The following VDAC2 variants were observed in gnomAD, a reference collection of about 807,000 sequenced individuals.
VDAC2 encodes the protein voltage dependent anion channel 2.
Under a neutral mutation model 36.6 loss-of-function variants are expected in VDAC2, and 6 were observed. That is an observed-to-expected ratio of 0.16 (90% CI 0.09 to 0.32). The LOEUF (loss-of-function observed/expected upper bound fraction) is 0.32, where lower values mean the gene tolerates loss of function less well. VDAC2 is among the 10% of genes least tolerant of loss of function. The pLI, the probability that VDAC2 is intolerant of heterozygous loss-of-function variation, is 1.00. For missense variants in VDAC2, 247 were observed against 346.0 expected (o/e 0.71, Z 2.27); for synonymous variants, 109 against 123.8 (o/e 0.88, Z 0.79).
intron 4 of VDAC2, among the ~76,000 whole-genome samples, chr10:75,214,607 C>G (rs1420320074): frequency 6.6e-6 from 1 of 152,140 alleles, no homozygotes; most frequent in African/African-American, 2.4e-5. Flanking sequence ...TCACTGCAAC[C>G]TCCGCCTCCT....
chr10:75,210,974 C>G, intron 1 of VDAC2, 36 bp downstream of exon 1: 1 of 597,456 alleles, frequency 1.7e-6, no homozygotes, highest in Non-Finnish European at 2.7e-6. Context: ...ACCCAGGGGC[C>G]TAGGCCGCGG....
chr10:75,227,890 C>A (rs112713416), intron 8 of VDAC2, among the ~76,000 whole-genome samples: 11,201 of 146,770 alleles, frequency 0.076, 573 homozygotes, highest in African/African-American at 0.14. Context: ...GAATTTCTTT[C>A]TTTCTTTCTT....
At chr10:75,210,421 G>T (rs1268185668), upstream of VDAC2, among the ~76,000 whole-genome samples, 3 of 152,198 alleles carry the variant, frequency 2.0e-5, no homozygotes, top group Non-Finnish European at 4.4e-5. Flanking sequence ...CGCGTAAGGG[G>T]AGTAGGAGAG....
At chr10:75,213,029 T>C (rs1841477168) in intron 3 of VDAC2, among the ~76,000 whole-genome samples, 1 of 152,176 alleles carries the variant, frequency 6.6e-6, no homozygotes, top group East Asian at 1.9e-4. Flanking sequence ...CTGTTGGAAA[T>C]ACCCCATTGG....
At chr10:75,221,110 G>C in intron 7 of VDAC2, 140 bp downstream of exon 7, 1 of 920,380 alleles carries the variant, frequency 1.1e-6, no homozygotes. Context: ...CATTTCTAGG[G>C]TGCCCCTTGA....
intron 1 of VDAC2, 34 bp from the exon 2 acceptor site, chr10:75,211,100 C>T: frequency 2.5e-6 from 4 of 1,580,404 alleles, no homozygotes; most frequent in African/African-American, 2.7e-5. Context: ...GGCCCTTTGA[C>T]CCCAGCTTAC....
chr10:75,230,318 A>G (rs985176066), intron 9 of VDAC2, among the ~76,000 whole-genome samples: 2 of 152,228 alleles, frequency 1.3e-5, no homozygotes, highest in Non-Finnish European at 2.9e-5. Flanking sequence ...GCATTGACCA[A>G]TTATTAACAA....
Position 75,210,925 on chromosome 10 carries a change from C to G in VDAC2, c.-39C>G. 2.4e-6 allele frequency: 1 copy of G among 420,378 alleles called. No homozygotes were observed. Among genetic ancestry groups the G allele is most frequent in the East Asian group, 3.7e-5 (1 of 26,926 alleles). The allele number at this position is 420,378 out of a possible 1,614,324, so 26.0% of individuals were successfully genotyped here. A position where few individuals can be genotyped will look rare whatever the true frequency, so the allele number is the denominator to read the frequency against. ...GCGGAGCGGTGGCGGCGGCCCCCCT[C>G]AGGACACCACCAGGTACCGCCGCGC... is the stretch of plus-strand genomic sequence containing the variant. On this transcript the variant is annotated 5_prime_UTR_variant, in exon 1 of 10. Transcript: ENST00000332211.
intron 4 of VDAC2, among the ~76,000 whole-genome samples, chr10:75,216,070 G>C (rs1260697542): frequency 6.6e-6 from 1 of 152,176 alleles, no homozygotes; most frequent in Middle Eastern, 3.2e-3. Context: ...CTGTCGCTTG[G>C]TTTTTTTGGT....
intron 8 of VDAC2, chr10:75,229,303 C>G (rs1842042901): frequency 5.7e-6 from 1 of 175,480 alleles, no homozygotes; most frequent in African/African-American, 2.4e-5. Context: ...GTGAGCCTGA[C>G]TTGTACCACA....
At chr10:75,222,836 G>C (rs1841854609) in intron 8 of VDAC2, among the ~76,000 whole-genome samples, 1 of 151,974 alleles carries the variant, frequency 6.6e-6, no homozygotes, top group Admixed American at 6.6e-5. Context: ...CTAATTTTTT[G>C]ATGTTTTTTT....
chr10:75,229,632 A>G lies in VDAC2; in HGVS notation c.736-12A>G. On this transcript the variant is annotated splice_polypyrimidine_tract_variant and intron_variant, in intron 8 of 9. Transcript: ENST00000332211. ...ATATTTTTCTTACAGTTGTTTTTGTATTTTATTTTAGGCAAAAGTCAACAA... is the reference window on the plus strand; with the variant it reads ...ATATTTTTCTTACAGTTGTTTTTGTGTTTTATTTTAGGCAAAAGTCAACAA... 1.3e-6 allele frequency: 2 copies of G among 1,595,172 alleles called. No homozygotes were observed. The highest frequency in any genetic ancestry group is 2.3e-5 in the East Asian group (1 of 44,240).
chr10:75,225,939 C>T (rs566930810), intron 8 of VDAC2, among the ~76,000 whole-genome samples: 29 of 152,048 alleles, frequency 1.9e-4, no homozygotes, highest in Non-Finnish European at 3.7e-4. Flanking sequence ...ATTATAGGTG[C>T]CCACTACCAC....
At chr10:75,228,338 G>A (rs1842018113) in intron 8 of VDAC2, among the ~76,000 whole-genome samples, 1 of 150,476 alleles carries the variant, frequency 6.6e-6, no homozygotes, top group Non-Finnish European at 1.5e-5. Flanking sequence ...AGCTCACTGT[G>A]CCCTCAGCCA....
At chr10:75,224,310 G>T (rs1841896701) in intron 8 of VDAC2, among the ~76,000 whole-genome samples, 1 of 152,198 alleles carries the variant, frequency 6.6e-6, no homozygotes, top group African/African-American at 2.4e-5. Context: ...GAAGCATTCT[G>T]TGTTGTGAGA....
chr10:75,226,881 CCTT>C (rs1227041410), intron 8 of VDAC2, among the ~76,000 whole-genome samples: 3 of 152,330 alleles, frequency 2.0e-5, no homozygotes, highest in East Asian at 3.9e-4. Flanking sequence ...AGGGAACAAA[CCTT>C]CTGCCTTGGG....
intron 9 of VDAC2, among the ~76,000 whole-genome samples, chr10:75,230,593 T>C (rs935077841): frequency 2.6e-4 from 40 of 152,248 alleles, no homozygotes; most frequent in African/African-American, 9.4e-4. Flanking sequence ...GATCGAATTA[T>C]GATTATGTCT....
intron 8 of VDAC2, among the ~76,000 whole-genome samples, chr10:75,228,981 A>G (rs1423363201): frequency 3.3e-5 from 5 of 152,110 alleles, no homozygotes; most frequent in Non-Finnish European, 5.9e-5. Flanking sequence ...AAATGTTGGG[A>G]TTGTGCAAGG....
rs1271205930 is a variant in VDAC2, at chr10:75,219,370, T to A, written c.356+14T>A. On this transcript the variant is annotated intron_variant, in intron 6 of 9. Transcript: ENST00000332211. ...ACCAAACACAGGGTAAGCACAGACA[T>A]TTTTATCTGTATTACATTTAAAAGT... 5.1e-6 allele frequency: 8 copies of A among 1,575,152 alleles called. No individual in the cohort carries two copies. Among genetic ancestry groups the A allele is most frequent in the Non-Finnish European group, 6.9e-6 (8 of 1,154,044 alleles).
Sources: allele counts gnomAD v4.1 joint callset (sites outside exome capture counted in the v4.1 genomes callset), GRCh38; gene constraint gnomAD v4.1.1; transcripts MANE v1.5; gene names NCBI Gene and HGNC (gene_info 2026-07-23, HGNC 2026-07-21).